Variants in ANKRD11 observed in about 807,000 individuals in gnomAD.
ANKRD11 encodes ankyrin repeat domain-containing protein 11.
Under a neutral mutation model 195.7 loss-of-function variants are expected in ANKRD11, and 17 were observed. That is an observed-to-expected ratio of 0.09 (90% CI 0.06 to 0.13). ANKRD11 has a LOEUF of 0.13. Among genes scored for constraint, ANKRD11 ranks in the 10% least tolerant of loss-of-function variants. The pLI, the probability that ANKRD11 is intolerant of heterozygous loss-of-function variation, is 1.00. For synonymous variants in ANKRD11, 1,953 were observed against 1,528.1 expected (o/e 1.28, Z -6.49); for missense variants, 3,735 against 3,566.1 (o/e 1.05, Z -1.21).
intron 2 of ANKRD11, among the ~76,000 whole-genome samples, chr16:89,416,114 T>A (rs2042302143): frequency 6.6e-6 from 1 of 152,064 alleles, no homozygotes; most frequent in Non-Finnish European, 1.5e-5. Flanking sequence ...TTAAACACCT[T>A]AGATTATTAC....
intron 1 of ANKRD11, among the ~76,000 whole-genome samples, chr16:89,447,061 C>G (rs769322179): frequency 1.3e-5 from 2 of 152,106 alleles, no homozygotes; most frequent in Non-Finnish European, 2.9e-5. Flanking sequence ...CCCCACCCTA[C>G]GAAGACACTG....
In ANKRD11 at chr16:89,280,873, G is replaced by A. The variant is rs1327231451; in HGVS notation, c.5669C>T (p.Pro1890Leu). 1 of 1,604,604 alleles carries A rather than the reference G, an allele frequency of 6.2e-7. No individual in the cohort carries two copies. The highest frequency in any genetic ancestry group is 1.3e-5 in the African/African-American group (1 of 74,806). ...EGVFSSLQAK[P>L]SPSPRAELLV... is the part of the protein sequence containing the mutation. ...CAGCTCGGCTCTGGGGGAAGGGGAA[G>A]GTTTTGCTTGTAAACTTGAGAAGAC... The change falls in exon 9 of 13, where the codon CCT becomes CTT. Residue 1890 changes from proline to leucine, a missense_variant. Physicochemically the swap from Pro to Leu is moderately conservative, Grantham distance 98 (BLOSUM62 -3). Coordinates refer to ENST00000301030, the MANE Select transcript of ANKRD11 (RefSeq NM_013275.6).
chr16:89,283,128 T>G lies in ANKRD11; in HGVS notation c.3414A>C (p.Gly1138=). The change falls in exon 9 of 13, where the codon GGA becomes GGC. Residue 1138 remains glycine, a synonymous_variant. Coordinates refer to ENST00000301030, the MANE Select transcript of ANKRD11 (RefSeq NM_013275.6). The surrounding 1 kb of genome is among the most constrained non-coding windows in gnomAD (Gnocchi z 4.3). ...DSCMGSGFKM[G]EASDLPRTDG... The stretch of plus-strand genomic sequence containing the variant: ...CCGTCCTCGGCAAGTCGCTGGCCTC[T>G]CCCATCTTGAACCCGCTCCCCATGC... 1 of 1,614,002 alleles carries G rather than the reference T, an allele frequency of 6.2e-7. No individual in the cohort carries two copies. Among genetic ancestry groups the G allele is most frequent in the Non-Finnish European group, 8.5e-7 (1 of 1,180,018 alleles).
chr16:89,450,885 A>AAAATGT (rs2044039908), intron 1 of ANKRD11, among the ~76,000 whole-genome samples: 1 of 152,206 alleles, frequency 6.6e-6, no homozygotes, highest in South Asian at 2.1e-4. Context: ...ATGACTAATG[A>AAAATGT]AAATGTAAAT....
At chr16:89,323,554 GGTCTGAGCTAAGGGC>G (rs2151943395) in intron 2 of ANKRD11, among the ~76,000 whole-genome samples, 3 of 49,402 alleles carry the variant, frequency 6.1e-5, no homozygotes, top group South Asian at 6.1e-4. Context: ...GAGGGCAGGG[GGTCTGAGCTAAGGGC>G]ACGGGGGCTA....
chr16:89,386,991 T>C (rs1266769005), intron 2 of ANKRD11, among the ~76,000 whole-genome samples: 3 of 151,260 alleles, frequency 2.0e-5, no homozygotes, highest in Non-Finnish European at 2.9e-5. Context: ...CTGGGAGCCC[T>C]GTATCGACTG....
chr16:89,441,032 T>C (rs2043434780), intron 1 of ANKRD11, among the ~76,000 whole-genome samples: 1 of 151,932 alleles, frequency 6.6e-6, no homozygotes, highest in Non-Finnish European at 1.5e-5. Context: ...GGTCAGGAGA[T>C]CGAGACCATC....
intron 2 of ANKRD11, among the ~76,000 whole-genome samples, chr16:89,363,753 C>G (rs772685003): frequency 2.0e-5 from 3 of 152,160 alleles, no homozygotes; most frequent in African/African-American, 4.8e-5. Flanking sequence ...CCTGCAGGTT[C>G]CAGTCAGGAA....
intron 2 of ANKRD11, among the ~76,000 whole-genome samples, 161 bp from the exon 3 acceptor site, chr16:89,317,239 C>T (rs557822211): frequency 2.0e-5 from 3 of 152,322 alleles, no homozygotes; most frequent in South Asian, 2.1e-4. Context: ...TCTCAGGATA[C>T]GCCTCCCATA....
At chr16:89,277,630 G>GT (rs2033767978) in intron 9 of ANKRD11, 2 of 152,348 alleles carry the variant, frequency 1.3e-5, no homozygotes, top group South Asian at 4.1e-4. Context: ...TCTGTCTTCT[G>GT]TGGATGAGCC....
intron 1 of ANKRD11, among the ~76,000 whole-genome samples, chr16:89,448,826 CGGCATGCG>C (rs2043926215): frequency 6.6e-6 from 1 of 152,118 alleles, no homozygotes; most frequent in Non-Finnish European, 1.5e-5. Flanking sequence ...ACGTGAGTCC[CGGCATGCG>C]GGCAGGGCAG....
At chr16:89,326,520 G>A (rs2037731088) in intron 2 of ANKRD11, among the ~76,000 whole-genome samples, 1 of 152,100 alleles carries the variant, frequency 6.6e-6, no homozygotes, top group African/African-American at 2.4e-5. Context: ...CAAGGCAGGG[G>A]GGTCATTTGG....
intron 2 of ANKRD11, chr16:89,339,858 T>C (rs2038571539): frequency 6.6e-6 from 1 of 152,202 alleles, no homozygotes; most frequent in Admixed American, 6.5e-5. Context: ...CTCTCGGCGC[T>C]TTGATACTCA....
intron 2 of ANKRD11, among the ~76,000 whole-genome samples, chr16:89,401,274 T>G (rs2041675087): frequency 6.6e-6 from 1 of 152,124 alleles, no homozygotes; most frequent in South Asian, 2.1e-4. Flanking sequence ...AGACCGGGTT[T>G]CGCCATGTTA....
intron 2 of ANKRD11, among the ~76,000 whole-genome samples, chr16:89,413,833 G>T (rs1299949408): frequency 1.3e-5 from 2 of 152,252 alleles, no homozygotes; most frequent in East Asian, 3.9e-4. Flanking sequence ...ATGCAGAGGG[G>T]CCTGCCCAGA....
chr16:89,335,411 G>A (rs2038300248), intron 2 of ANKRD11, among the ~76,000 whole-genome samples: 1 of 152,208 alleles, frequency 6.6e-6, no homozygotes, highest in Admixed American at 6.5e-5. Flanking sequence ...TGAGGCCTCT[G>A]CATTCAGGGG....
Position 89,280,496 on chromosome 16 carries a change from G to T in ANKRD11, c.6046C>A (p.Pro2016Thr). Reference protein sequence around the residue: ...GPFSASEAPYPAPPASPAPYA... With the variant: ...GPFSASEAPYTAPPASPAPYA... Reference sequence around the variant, plus strand: ...GGGGCAGGAGAGGCGGGAGGGGCGGGGTACGGCGCCTCCGAGGCGCTGAAG... The same window carrying T: ...GGGGCAGGAGAGGCGGGAGGGGCGGTGTACGGCGCCTCCGAGGCGCTGAAG... The change falls in exon 9 of 13, where the codon CCC (proline) becomes ACC (threonine). Residue 2016 changes from proline to threonine, a missense_variant. Transcript: ENST00000301030. 6.3e-7 allele frequency: 1 copy of T among 1,593,760 alleles called. No individual in the cohort carries two copies. The highest frequency in any genetic ancestry group is 1.7e-5 in the Admixed American group (1 of 57,602).
intron 4 of ANKRD11, chr16:89,301,622 C>T (rs3114914): frequency 0.71 from 281,419 of 398,476 alleles, 99,984 homozygotes; most frequent in Middle Eastern, 0.73. Flanking sequence ...CTAGGACGGG[C>T]TCTTGCCCAG....
intron 2 of ANKRD11, among the ~76,000 whole-genome samples, chr16:89,366,106 G>C (rs2039936821): frequency 6.9e-6 from 1 of 145,876 alleles, no homozygotes. Context: ...CTCTAGCCTG[G>C]GTGACAAAGT....
Sources: gnomAD v4.1 joint callset for allele counts (sites outside exome capture counted in the v4.1 genomes callset) on GRCh38, gnomAD v4.1.1 for gene constraint, Gnocchi (gnomAD v3.1) non-coding constraint, MANE v1.5 for transcripts, NCBI Gene and HGNC (gene_info 2026-07-23, HGNC 2026-07-21) for gene names.